The following HS6ST2 variants were observed in gnomAD, a reference collection of about 807,000 sequenced individuals.
HS6ST2 encodes the protein heparan-sulfate 6-O-sulfotransferase 2.
Under a neutral mutation model 33.0 loss-of-function variants are expected in HS6ST2, and 17 were observed. The observed-to-expected ratio is 0.52, with a 90% CI of 0.35 to 0.77. The LOEUF is 0.77. Ranked by LOEUF, HS6ST2 falls within the 30% of genes least tolerant of loss-of-function variation. The pLI, the probability that HS6ST2 is intolerant of heterozygous loss-of-function variation, is 0.01. For missense variants in HS6ST2, 519 were observed against 551.7 expected, an observed-to-expected ratio of 0.94 and a Z score of 0.59; for synonymous variants, 248 against 237.1, an observed-to-expected ratio of 1.05 and a Z score of -0.42.
intron 2 of HS6ST2, among the ~76,000 whole-genome samples, chrX:132,797,881 T>G (rs2065197705): frequency 9.2e-6 from 1 of 108,160 alleles, no homozygotes. Flanking sequence ...GGCATAATAG[T>G]GCATGCCTGT....
chrX:132,873,658 C>A (rs924761050), intron 2 of HS6ST2, among the ~76,000 whole-genome samples: 1 of 111,587 alleles, frequency 9.0e-6, no homozygotes, highest in Non-Finnish European at 1.9e-5. Context: ...CCAGCATAGA[C>A]TTAATTTCAA....
chrX:132,626,245 T>A lies in HS6ST2; in HGVS notation c.*1978A>T, dbSNP rs769485810. 5.5e-4 allele frequency: 62 copies of A among 112,667 alleles called. No homozygotes were observed. The highest frequency in any genetic ancestry group is 1.9e-3 in the African/African-American group (60 of 30,992). The allele number at this position is 112,667 out of a possible 1,213,427, so 9.3% of individuals were successfully genotyped here. On this transcript the variant is annotated 3_prime_UTR_variant, in exon 5 of 5. Coordinates refer to ENST00000370833, the MANE Select transcript of HS6ST2 (RefSeq NM_001394073.1). ...ACACCACAGCAATAACACAAAATGT[T>A]TTTTCTGTAACAAGCTTTTCCACTG... is the stretch of plus-strand genomic sequence containing the variant.
chrX:132,664,497 AC>A (rs1254393518), intron 4 of HS6ST2, among the ~76,000 whole-genome samples: 1 of 111,937 alleles, frequency 8.9e-6, no homozygotes, highest in Non-Finnish European at 1.9e-5. Flanking sequence ...AGCCGGTCTT[AC>A]CAGAGTCAGC....
intron 2 of HS6ST2, among the ~76,000 whole-genome samples, chrX:132,717,400 T>C (rs1339383466): frequency 8.9e-6 from 1 of 112,759 alleles, no homozygotes; most frequent in Non-Finnish European, 1.9e-5. Context: ...AATAAAACTG[T>C]GACTTCCTTG....
At chrX:132,685,331 C>A (rs1481782832) in intron 3 of HS6ST2, among the ~76,000 whole-genome samples, 1 of 111,663 alleles carries the variant, frequency 9.0e-6, no homozygotes, top group Admixed American at 9.5e-5. Flanking sequence ...AACTCATTAG[C>A]AAGCAAGATA....
chrX:132,764,261 C>G (rs1304068557), intron 2 of HS6ST2, among the ~76,000 whole-genome samples: 1 of 112,220 alleles, frequency 8.9e-6, no homozygotes, highest in African/African-American at 3.2e-5. Context: ...CTGACATGCC[C>G]AAGGTCACAC....
chrX:132,790,254 G>A (rs1179853475), intron 2 of HS6ST2, among the ~76,000 whole-genome samples: 3 of 111,953 alleles, frequency 2.7e-5, no homozygotes, highest in African/African-American at 9.7e-5. Flanking sequence ...GCACATCGAG[G>A]CAAGACCCTT....
chrX:132,885,794 G>A (rs1465820504), intron 2 of HS6ST2, among the ~76,000 whole-genome samples: 2 of 111,383 alleles, frequency 1.8e-5, no homozygotes, highest in Non-Finnish European at 3.8e-5. Flanking sequence ...CCAATAGAAA[G>A]CCATGCTTAA....
chrX:132,768,738 T>A (rs1244844244), intron 2 of HS6ST2, among the ~76,000 whole-genome samples: 2 of 112,584 alleles, frequency 1.8e-5, no homozygotes, highest in Non-Finnish European at 3.8e-5. Flanking sequence ...TTCAATAGGC[T>A]TACCCATTGG....
In HS6ST2 at chrX:132,701,185, T is replaced by G. The variant is rs748781541; in HGVS notation, c.980+7277A>C. On this transcript the variant is annotated intron_variant, in intron 3 of 4. Transcript: ENST00000370833. ...GTACTTAGATAAGTCATTGCCTTGA[T>G]GTGCATCTATTTTCTCACCTGCAGA... is the stretch of plus-strand genomic sequence containing the variant. 9.8e-5 allele frequency among the ~76,000 whole-genome samples: 11 copies of G among 112,387 alleles called. No homozygotes were observed. In the East Asian group the frequency reaches 2.8e-3, roughly 29 times the overall value.
chrX:132,764,063 T>C (rs1320111547), intron 2 of HS6ST2, among the ~76,000 whole-genome samples: 3 of 112,391 alleles, frequency 2.7e-5, no homozygotes, highest in Non-Finnish European at 5.6e-5. Flanking sequence ...ACAATTCTTG[T>C]AACATGGTTA....
At chrX:132,730,623 A>G (rs1295671601) in intron 2 of HS6ST2, among the ~76,000 whole-genome samples, 10 of 112,513 alleles carry the variant, frequency 8.9e-5, no homozygotes, top group Non-Finnish European at 1.9e-4. Context: ...GAGCAGCGTC[A>G]TGGCGGCTTG....
At chrX:132,684,885 T>A (rs2064004261) in intron 3 of HS6ST2, among the ~76,000 whole-genome samples, 3 of 111,987 alleles carry the variant, frequency 2.7e-5, no homozygotes, top group African/African-American at 9.7e-5. Context: ...ACTTCCACTA[T>A]GTGCAATTCT....
chrX:132,832,732 ACT>A (rs2065602444), intron 2 of HS6ST2, among the ~76,000 whole-genome samples: 1 of 111,882 alleles, frequency 8.9e-6, no homozygotes, highest in African/African-American at 3.2e-5. Context: ...ACTTATATAC[ACT>A]GTTAGCCTTC....
chrX:132,961,041 C>T (rs977818279), upstream of HS6ST2, among the ~76,000 whole-genome samples: 1 of 109,070 alleles, frequency 9.2e-6, no homozygotes, highest in African/African-American at 3.4e-5. Context: ...GGTCTCTGCT[C>T]CCAGGAGCCA....
At chrX:132,761,819 G>A (rs913701119) in intron 2 of HS6ST2, among the ~76,000 whole-genome samples, 2 of 111,413 alleles carry the variant, frequency 1.8e-5, no homozygotes, top group African/African-American at 6.5e-5. Context: ...TATGAAATAC[G>A]GGTCTGAATC....
chrX:132,851,678 C>A (rs1439035090), intron 2 of HS6ST2, among the ~76,000 whole-genome samples: 1 of 111,299 alleles, frequency 9.0e-6, no homozygotes, highest in Non-Finnish European at 1.9e-5. Flanking sequence ...TGATATTGTC[C>A]ATAAGGGGAA....
chrX:132,823,717 A>C (rs1447233137), intron 2 of HS6ST2, among the ~76,000 whole-genome samples: 1 of 105,176 alleles, frequency 9.5e-6, no homozygotes, highest in Non-Finnish European at 1.9e-5. Context: ...AAAAAAAAAA[A>C]AAACCCACCT....
At chrX:132,705,124 T>C (rs183851258) in intron 3 of HS6ST2, among the ~76,000 whole-genome samples, 2 of 109,780 alleles carry the variant, frequency 1.8e-5, no homozygotes, top group Admixed American at 9.8e-5. Flanking sequence ...AGCAGATCAA[T>C]GACAGGACCT....
Sources: gnomAD v4.1 joint callset for allele counts (sites outside exome capture counted in the v4.1 genomes callset) on GRCh38, gnomAD v4.1.1 for gene constraint, MANE v1.5 for transcripts, NCBI Gene and HGNC (gene_info 2026-07-23, HGNC 2026-07-21) for gene names.